FBXO4: variants seen among roughly 807,000 people sequenced by gnomAD.
FBXO4 encodes the protein F-box protein 4, also known as F-box only protein 4.
A neutral mutation model predicts 43.7 loss-of-function variants in FBXO4; 36 were observed. That is an observed-to-expected ratio of 0.82 (90% CI 0.63 to 1.09). The LOEUF (loss-of-function observed/expected upper bound fraction) is 1.09. Among genes scored for constraint, FBXO4 ranks in the 50% least tolerant of loss-of-function variants. The probability of loss-of-function intolerance (pLI) is 0.00; values close to 1 mark genes in which losing one functional copy is unlikely to be tolerated. For synonymous variants in FBXO4, 180 were observed against 165.6 expected (o/e 1.09, Z -0.67); for missense variants, 435 against 474.1 (o/e 0.92, Z 0.77).
chr5:42,018,430 A>G, the FBXO4 span, among the ~76,000 whole-genome samples: 3 of 152,214 alleles, frequency 2.0e-5, no homozygotes, highest in South Asian at 6.2e-4. Context: ...GTACTTAGGG[A>G]ATAACATGAA....
chr5:42,033,065 G>C, the FBXO4 span, among the ~76,000 whole-genome samples: 1 of 152,096 alleles, frequency 6.6e-6, no homozygotes, highest in Non-Finnish European at 1.5e-5. Context: ...GCCATATCAT[G>C]CTGTGGCTGA....
chr5:41,950,519 T>A, the FBXO4 span, among the ~76,000 whole-genome samples: 2 of 152,158 alleles, frequency 1.3e-5, no homozygotes, highest in African/African-American at 4.8e-5. Context: ...TGAGATACCA[T>A]CTCACGCCAG....
chr5:42,014,762 T>C, the FBXO4 span, among the ~76,000 whole-genome samples: 1 of 152,280 alleles, frequency 6.6e-6, no homozygotes, highest in Admixed American at 6.5e-5. Context: ...AGATCAGGGA[T>C]ATAAGCTTTG....
downstream of FBXO4, among the ~76,000 whole-genome samples, chr5:41,944,764 C>T (rs1752053158): frequency 6.6e-6 from 1 of 152,194 alleles, no homozygotes; most frequent in Non-Finnish European, 1.5e-5. Flanking sequence ...GCACAAATTG[C>T]TTCTTCAGCA....
chr5:41,964,322 T>A, the FBXO4 span, among the ~76,000 whole-genome samples: 780 of 152,302 alleles, frequency 5.1e-3, 8 homozygotes, highest in African/African-American at 0.018. Context: ...TTTTTTACTT[T>A]ACTTGAAAGT....
downstream of FBXO4, among the ~76,000 whole-genome samples, chr5:41,946,682 T>C (rs902956095): frequency 2.6e-5 from 4 of 152,244 alleles, no homozygotes; most frequent in African/African-American, 9.6e-5. Flanking sequence ...ACATAGTTTT[T>C]GACTAGCTTT....
the FBXO4 span, among the ~76,000 whole-genome samples, chr5:41,961,042 C>G: frequency 2.0e-4 from 30 of 152,166 alleles, 1 homozygote; most frequent in African/African-American, 7.2e-4. Flanking sequence ...CTCTTCCTTA[C>G]TTTACGTGCT....
At chr5:42,004,069 T>C in the FBXO4 span, among the ~76,000 whole-genome samples, 2 of 152,302 alleles carry the variant, frequency 1.3e-5, no homozygotes, top group South Asian at 4.1e-4. Flanking sequence ...GTTCATGTCC[T>C]TTGTAGGGAC....
chr5:41,982,825 G>A, the FBXO4 span, among the ~76,000 whole-genome samples: 16 of 151,978 alleles, frequency 1.1e-4, no homozygotes, highest in South Asian at 6.2e-4. Flanking sequence ...CCATCAACCC[G>A]TTATCTACAT....
chr5:41,972,682 A>G, the FBXO4 span, among the ~76,000 whole-genome samples: 2 of 152,214 alleles, frequency 1.3e-5, no homozygotes, highest in African/African-American at 4.8e-5. Flanking sequence ...CTATACTACA[A>G]GACTACAGTA....
the FBXO4 span, among the ~76,000 whole-genome samples, chr5:41,994,350 A>G: frequency 6.6e-6 from 1 of 152,226 alleles, no homozygotes; most frequent in African/African-American, 2.4e-5. Flanking sequence ...AGAAGGAGGA[A>G]ATACTCATGA....
chr5:42,020,445 T>A, the FBXO4 span, among the ~76,000 whole-genome samples: 2 of 152,194 alleles, frequency 1.3e-5, 1 homozygote, highest in East Asian at 3.8e-4. Flanking sequence ...GGTAACATGA[T>A]AGAAACTGCT....
At chr5:41,966,173 C>T in the FBXO4 span, among the ~76,000 whole-genome samples, 7 of 152,060 alleles carry the variant, frequency 4.6e-5, no homozygotes, top group African/African-American at 1.7e-4. Context: ...GGGAGGATAG[C>T]ATTTGGAGAT....
the FBXO4 span, among the ~76,000 whole-genome samples, chr5:42,021,367 A>T: frequency 2.0e-5 from 3 of 152,084 alleles, no homozygotes; most frequent in African/African-American, 2.4e-5. Context: ...GAAATGGAAG[A>T]ATCAGAGATG....
chr5:41,990,663 AG>A, the FBXO4 span, among the ~76,000 whole-genome samples: 2 of 152,190 alleles, frequency 1.3e-5, no homozygotes, highest in Non-Finnish European at 2.9e-5. Flanking sequence ...CATTGTAGAT[AG>A]TTTTCTATTT....
the FBXO4 span, among the ~76,000 whole-genome samples, chr5:42,030,364 C>T: frequency 3.5e-4 from 54 of 152,138 alleles, no homozygotes; most frequent in African/African-American, 1.3e-3. Context: ...GGAAACGATT[C>T]CCTATTTAAT....
At chr5:41,964,413 A>AT in the FBXO4 span, among the ~76,000 whole-genome samples, 2 of 152,058 alleles carry the variant, frequency 1.3e-5, no homozygotes, top group African/African-American at 4.8e-5. Flanking sequence ...ATGTGTTTTA[A>AT]TAAAAAAAAA....
chr5:41,929,618 A>G, intron 2 of FBXO4, 79 bp from the exon 3 acceptor site: 1 of 1,019,724 alleles, frequency 9.8e-7, no homozygotes, highest in South Asian at 1.6e-5. Context: ...TCTAGCAAGT[A>G]CTCAATAAAT....
At chr5:42,019,236 A>G in the FBXO4 span, among the ~76,000 whole-genome samples, 1 of 152,202 alleles carries the variant, frequency 6.6e-6, no homozygotes, top group African/African-American at 2.4e-5. Context: ...TATAAAATAC[A>G]TACTGAATTT....
Sources: allele counts gnomAD v4.1 joint callset (sites outside exome capture counted in the v4.1 genomes callset), GRCh38; gene constraint gnomAD v4.1.1; transcripts MANE v1.5; gene names NCBI Gene and HGNC (gene_info 2026-07-23, HGNC 2026-07-21).